Variants in ZNF469 observed in about 807,000 individuals in gnomAD.
ZNF469 encodes zinc finger protein 469.
A neutral mutation model predicts 1.0 loss-of-function variants in ZNF469; 1 was observed. The ratio of observed to expected loss-of-function variants is 1.00; its 90% CI spans 0.35 to 4.73. The LOEUF (loss-of-function observed/expected upper bound fraction) is 4.73, where lower values mean the gene tolerates loss of function less well. Among genes scored for constraint, ZNF469 ranks in the 30% most tolerant of loss-of-function variants. ZNF469 has a pLI of 0.16. For missense variants in ZNF469, 6,100 were observed against 5,356.3 expected (o/e 1.14, Z -4.33); for synonymous variants, 2,703 against 2,363.4 (o/e 1.14, Z -4.17).
the ZNF469 span, among the ~76,000 whole-genome samples, chr16:88,331,551 CCAT>C: frequency 8.0e-5 from 12 of 150,778 alleles, no homozygotes; most frequent in Non-Finnish European, 5.9e-5. Flanking sequence ...ACCATCACCA[CCAT>C]CGTCATCACC....
the ZNF469 span, among the ~76,000 whole-genome samples, chr16:88,284,737 G>A: frequency 5.9e-5 from 9 of 152,172 alleles, no homozygotes; most frequent in African/African-American, 1.4e-4. Context: ...CGTGGTGTGC[G>A]GCCTGCAGGC....
At chr16:88,375,798 C>T in the ZNF469 span, among the ~76,000 whole-genome samples, 2 of 152,334 alleles carry the variant, frequency 1.3e-5, no homozygotes, top group African/African-American at 2.4e-5. Flanking sequence ...CGAAGGAAAT[C>T]GTCTGACTGC....
At chr16:88,273,328 A>G in the ZNF469 span, among the ~76,000 whole-genome samples, 808 of 151,908 alleles carry the variant, frequency 5.3e-3, 10 homozygotes, top group African/African-American at 0.018. Context: ...TAGTTCCTCA[A>G]TAATATCCAT....
At chr16:88,321,808 A>G in the ZNF469 span, among the ~76,000 whole-genome samples, 3 of 152,190 alleles carry the variant, frequency 2.0e-5, no homozygotes. Context: ...TCACCTGATT[A>G]GATGCAGCCA....
At chr16:88,272,957 T>G in the ZNF469 span, among the ~76,000 whole-genome samples, 4 of 142,120 alleles carry the variant, frequency 2.8e-5, no homozygotes, top group Admixed American at 7.0e-5. Flanking sequence ...CGGGTGGGTG[T>G]GTGGATAGAC....
chr16:88,191,450 G>A, the ZNF469 span: 1 of 152,270 alleles, frequency 6.6e-6, no homozygotes, highest in Non-Finnish European at 1.5e-5. Context: ...CACCGCACTG[G>A]GCTGGGGCAG....
the ZNF469 span, among the ~76,000 whole-genome samples, chr16:88,267,881 G>C: frequency 2.6e-5 from 4 of 152,178 alleles, no homozygotes; most frequent in East Asian, 7.7e-4. Flanking sequence ...CGGGTCCTGA[G>C]TAAGCCGACC....
chr16:88,294,030 C>A, the ZNF469 span, among the ~76,000 whole-genome samples: 1 of 152,206 alleles, frequency 6.6e-6, no homozygotes, highest in Non-Finnish European at 1.5e-5. Flanking sequence ...GGACTGTGCA[C>A]GGGGTCTCCC....
chr16:88,369,870 C>A, the ZNF469 span, among the ~76,000 whole-genome samples: 1 of 152,242 alleles, frequency 6.6e-6, no homozygotes, highest in Admixed American at 6.5e-5. Flanking sequence ...TCCGTCCCCA[C>A]CGCGCCCTCA....
chr16:88,326,410 G>GT, the ZNF469 span, among the ~76,000 whole-genome samples: 1 of 152,162 alleles, frequency 6.6e-6, no homozygotes, highest in Admixed American at 6.5e-5. Context: ...TCTTTCTTTT[G>GT]TAAGTTGCCC....
the ZNF469 span, among the ~76,000 whole-genome samples, chr16:88,285,771 C>T: frequency 3.9e-5 from 6 of 152,342 alleles, no homozygotes; most frequent in East Asian, 9.7e-4. Context: ...GGAGTGCCCT[C>T]TGGCAGGGGC....
At chr16:88,386,489 A>C (rs1599343121) in intron 1 of ZNF469, among the ~76,000 whole-genome samples, 7 of 148,062 alleles carry the variant, frequency 4.7e-5, no homozygotes, top group African/African-American at 1.3e-4. Context: ...CCTGCATCCC[A>C]CCTCCCATCA....
At chr16:88,332,129 C>G in the ZNF469 span, among the ~76,000 whole-genome samples, 1 of 152,220 alleles carries the variant, frequency 6.6e-6, no homozygotes, top group Admixed American at 6.5e-5. Context: ...TCCACCCCCT[C>G]CTTGGTGTTT....
At chr16:88,234,669 C>G in the ZNF469 span, 1 of 152,392 alleles carries the variant, frequency 6.6e-6, no homozygotes, top group Admixed American at 6.5e-5. Context: ...CTCCAGGGTC[C>G]CCTCAGAGTG....
the ZNF469 span, among the ~76,000 whole-genome samples, chr16:88,150,383 C>G: frequency 6.6e-6 from 1 of 152,194 alleles, no homozygotes; most frequent in Non-Finnish European, 1.5e-5. Flanking sequence ...CCATTTTCCT[C>G]TCTGGATTCA....
the ZNF469 span, among the ~76,000 whole-genome samples, chr16:88,102,991 T>A: frequency 1.3e-5 from 2 of 152,268 alleles, no homozygotes; most frequent in African/African-American, 2.4e-5. Flanking sequence ...CTCCAACTCT[T>A]TAGACGTGGA....
At chr16:88,185,721 C>G in the ZNF469 span, among the ~76,000 whole-genome samples, 1 of 144,584 alleles carries the variant, frequency 6.9e-6, no homozygotes, top group Non-Finnish European at 1.5e-5. Flanking sequence ...GAATATAGTA[C>G]ATGCATACAC....
chr16:88,281,263 C>T, the ZNF469 span, among the ~76,000 whole-genome samples: 4,724 of 129,130 alleles, frequency 0.037, 583 homozygotes, highest in African/African-American at 0.12. Context: ...TGGTCAGTAC[C>T]GTGTCATTTT....
At position 88,424,955 on chromosome 16, in the gene ZNF469, G is replaced by A. The variant is rs943204284; in HGVS notation, c.-127+84G>A. ...CCTGAGGCCCCCTCCGCCCCCACCCGCCCGGCCTTCCTCTCCCTCTCAGGA... is the reference window on the plus strand; with the variant it reads ...CCTGAGGCCCCCTCCGCCCCCACCCACCCGGCCTTCCTCTCCCTCTCAGGA... On this transcript the variant is annotated intron_variant, in intron 2 of 2. Coordinates refer to ENST00000565624, the MANE Select transcript of ZNF469 (RefSeq NM_001367624.2). The surrounding 1 kb of genome is among the most constrained non-coding windows in gnomAD (Gnocchi z 4.3). Among the ~76,000 whole-genome samples, 7 of 143,526 alleles carry A rather than the reference G, an allele frequency of 4.9e-5. No homozygotes were observed. Among genetic ancestry groups the A allele is most frequent in the Non-Finnish European group, 7.7e-5 (5 of 65,346 alleles). 94.2% of individuals were successfully genotyped at this position (143,526 alleles called of 152,430 possible). A position where few individuals can be genotyped will look rare whatever the true frequency, so the allele number is the denominator to read the frequency against.
Sources: allele counts gnomAD v4.1 joint callset (sites outside exome capture counted in the v4.1 genomes callset), GRCh38; gene constraint gnomAD v4.1.1; non-coding constraint Gnocchi (gnomAD v3.1); transcripts MANE v1.5; gene names NCBI Gene and HGNC (gene_info 2026-07-23, HGNC 2026-07-21).